The following MEGF11 variants were observed in gnomAD, a reference collection of about 807,000 sequenced individuals.
MEGF11 encodes the protein multiple epidermal growth factor-like domains protein 11.
In MEGF11, 126 loss-of-function variants were observed where a neutral mutation model predicts 146.6. The ratio of observed to expected loss-of-function variants is 0.86; its 90% CI spans 0.74 to 1.00. MEGF11 has a LOEUF of 1.00. Ranked by LOEUF, MEGF11 falls within the 50% of genes least tolerant of loss-of-function variation. The probability of loss-of-function intolerance (pLI) is 0.00; values close to 1 mark genes in which losing one functional copy is unlikely to be tolerated. For missense variants in MEGF11, 1,509 were observed against 1,521.2 expected, an observed-to-expected ratio of 0.99 and a Z score of 0.13; for synonymous variants, 532 against 583.4, an observed-to-expected ratio of 0.91 and a Z score of 1.27.
Position 65,922,463 on chromosome 15 carries a change from G to GC in MEGF11, c.1831_1832insG (p.Pro611ArgfsTer30). ...GGCGCAGCCGTGGCCATAGAACCCA[G>GC]GGGGGCAGACTGAGGGTGAAGGGAA... On this transcript the variant is annotated frameshift_variant, in exon 15 of 26. Coordinates refer to ENST00000395614, the MANE Select transcript of MEGF11 (RefSeq NM_001385028.1). LOFTEE classifies it high-confidence loss of function. 6.4e-7 allele frequency: 1 copy of GC among 1,573,614 alleles called. No homozygotes were observed. Among genetic ancestry groups the GC allele is most frequent in the Non-Finnish European group, 8.6e-7 (1 of 1,159,966 alleles).
chr15:66,070,154 G>A (rs2085305089), intron 5 of MEGF11, among the ~76,000 whole-genome samples: 1 of 152,206 alleles, frequency 6.6e-6, no homozygotes. Context: ...TCACCCAGAG[G>A]GTTGGCCCTG....
chr15:65,937,386 G>A (rs1206556650), intron 10 of MEGF11, among the ~76,000 whole-genome samples: 2 of 152,192 alleles, frequency 1.3e-5, no homozygotes, highest in Non-Finnish European at 2.9e-5. Flanking sequence ...CCTTTATTGA[G>A]GTTGTTCCCC....
At chr15:66,191,083 G>A (rs191651304) in intron 1 of MEGF11, among the ~76,000 whole-genome samples, 91 of 152,200 alleles carry the variant, frequency 6.0e-4, no homozygotes, top group Non-Finnish European at 8.4e-4. Flanking sequence ...TTTCTCCCCC[G>A]ATATCAGGCC....
chr15:66,148,474 C>T (rs1347248385), intron 1 of MEGF11, among the ~76,000 whole-genome samples: 4 of 152,172 alleles, frequency 2.6e-5, no homozygotes, highest in Non-Finnish European at 4.4e-5. Context: ...AGGGATCAGA[C>T]AGGATGGGGC....
Position 66,119,136 on chromosome 15 carries a change from C to T in MEGF11, c.251G>A (p.Arg84Gln), listed in dbSNP as rs950665922. 84 of 1,551,430 alleles carry T rather than the reference C, an allele frequency of 5.4e-5. No individual in the cohort carries two copies. Among genetic ancestry groups the T allele is most frequent in the Non-Finnish European group, 6.7e-5 (77 of 1,147,004 alleles). ...GTAGCCAGGGCAGCACTGGGACCTC[C>T]GCCGGTACATGGTCCGGAGGCCTCT... ...YRRGLRTMYR[R>Q]RSQCCPGYYE... The change falls in exon 4 of 26, where the codon CGG becomes CAG. Residue 84 changes from arginine (R) to glutamine (Q), a missense_variant. Physicochemically the swap from Arg to Gln is conservative, Grantham distance 43. Transcript: ENST00000395614.
chr15:66,146,729 C>T (rs1303575076), intron 1 of MEGF11, among the ~76,000 whole-genome samples: 1 of 152,266 alleles, frequency 6.6e-6, no homozygotes, highest in East Asian at 1.9e-4. Context: ...GGCCTGTGCG[C>T]TGGCATCAGT....
At chr15:65,953,351 A>G (rs1485408278) in intron 10 of MEGF11, among the ~76,000 whole-genome samples, 1 of 152,178 alleles carries the variant, frequency 6.6e-6, no homozygotes, top group African/African-American at 2.4e-5. Context: ...ATTTGAACTT[A>G]GATTTGTCTG....
intron 5 of MEGF11, among the ~76,000 whole-genome samples, chr15:65,998,565 C>T (rs1485710334): frequency 1.3e-5 from 2 of 152,090 alleles, no homozygotes; most frequent in Non-Finnish European, 2.9e-5. Context: ...TCTCTGGGTG[C>T]CAAGCAATGA....
At chr15:66,177,262 G>C (rs576738798) in intron 1 of MEGF11, among the ~76,000 whole-genome samples, 3 of 152,294 alleles carry the variant, frequency 2.0e-5, no homozygotes, top group African/African-American at 4.8e-5. Context: ...GGGATGGGGT[G>C]GGGTAGTGGG....
intron 21 of MEGF11, among the ~76,000 whole-genome samples, chr15:65,910,492 C>T (rs2078767397): frequency 1.3e-5 from 2 of 152,152 alleles, no homozygotes; most frequent in African/African-American, 4.8e-5. Flanking sequence ...CATGTCATCA[C>T]AGCTGCCTGC....
chr15:65,987,065 C>T (rs1050130432), intron 5 of MEGF11, among the ~76,000 whole-genome samples: 2 of 152,162 alleles, frequency 1.3e-5, no homozygotes, highest in Non-Finnish European at 2.9e-5. Context: ...CCCCTGCTGA[C>T]TGCTTCAGAC....
chr15:66,236,112 A>T lies in MEGF11; in HGVS notation c.-9+17493T>A, dbSNP rs565993819. Among the ~76,000 whole-genome samples, 25 of 152,280 alleles carry T rather than the reference A, an allele frequency of 1.6e-4. No homozygotes were observed. In the South Asian group the frequency reaches 4.8e-3, roughly 29 times the overall value. On this transcript the variant is annotated intron_variant, in intron 1 of 25. Transcript: ENST00000395614. The stretch of plus-strand genomic sequence containing the variant: ...GGTTGAATTGTGGAGGATGAGTAAG[A>T]GTCAGCCACATAAGGAAGGTAGGAA...
intron 5 of MEGF11, among the ~76,000 whole-genome samples, chr15:66,004,460 T>C (rs1361140368): frequency 1.3e-5 from 2 of 152,000 alleles, no homozygotes; most frequent in Admixed American, 1.3e-4. Flanking sequence ...GGGGCAAATA[T>C]AGTGAATATT....
intron 10 of MEGF11, among the ~76,000 whole-genome samples, chr15:65,951,989 G>A (rs950901573): frequency 2.0e-5 from 3 of 152,080 alleles, no homozygotes; most frequent in Non-Finnish European, 1.5e-5. Context: ...GCAATAGAAC[G>A]AGGCCCTATC....
intron 1 of MEGF11, among the ~76,000 whole-genome samples, chr15:66,164,600 C>T (rs1427986394): frequency 6.6e-6 from 1 of 152,148 alleles, no homozygotes; most frequent in Non-Finnish European, 1.5e-5. Flanking sequence ...CTCCTGTGGG[C>T]CTCGTGGAGT....
rs1596802738 is a variant in MEGF11, at chr15:65,895,712, T to C, written c.*2222A>G. The C allele has an allele frequency of 6.5e-6, 1 of 152,764 alleles. No homozygotes were observed. Among genetic ancestry groups the C allele is most frequent in the East Asian group, 1.9e-4 (1 of 5,198 alleles). The allele number at this position is 152,764 out of a possible 1,614,324, so 9.5% of individuals were successfully genotyped here. On this transcript the variant is annotated 3_prime_UTR_variant, in exon 26 of 26. Transcript: ENST00000395614. Reference sequence around the variant, plus strand: ...TCTCCTCTGTATTGCCTGGTTTGACTTGTATTACATTTCCTTAAAAAGTCA... The same window carrying C: ...TCTCCTCTGTATTGCCTGGTTTGACCTGTATTACATTTCCTTAAAAAGTCA...
At chr15:65,962,099 A>T (rs2080877460) in intron 9 of MEGF11, among the ~76,000 whole-genome samples, 1 of 152,228 alleles carries the variant, frequency 6.6e-6, no homozygotes, top group Non-Finnish European at 1.5e-5. Context: ...ATCCCCACTC[A>T]GTACCTGAAC....
At chr15:66,154,587 C>G (rs1451005007) in intron 1 of MEGF11, among the ~76,000 whole-genome samples, 1 of 152,194 alleles carries the variant, frequency 6.6e-6, no homozygotes, top group African/African-American at 2.4e-5. Flanking sequence ...CTTTTATTTA[C>G]TGGGATTGTA....
intron 9 of MEGF11, among the ~76,000 whole-genome samples, chr15:65,958,812 T>A (rs2080753630): frequency 6.6e-6 from 1 of 152,242 alleles, no homozygotes; most frequent in Non-Finnish European, 1.5e-5. Context: ...GCTCTTGGTA[T>A]CTGCTTCTGG....
Sources: allele counts gnomAD v4.1 joint callset (sites outside exome capture counted in the v4.1 genomes callset), GRCh38; gene constraint gnomAD v4.1.1; transcripts MANE v1.5; gene names NCBI Gene and HGNC (gene_info 2026-07-23, HGNC 2026-07-21).